CLRN1: variants seen among roughly 807,000 people sequenced by gnomAD.
The protein encoded by CLRN1 is clarin 1.
CLRN1 carries 15 observed loss-of-function variants against 18.7 expected under a neutral mutation model. The ratio of observed to expected loss-of-function variants is 0.80; its 90% CI spans 0.54 to 1.23. The LOEUF (loss-of-function observed/expected upper bound fraction) is 1.23. CLRN1 is among the 50% of genes most tolerant of loss of function. The pLI, the probability that CLRN1 is intolerant of heterozygous loss-of-function variation, is 0.00. For synonymous variants in CLRN1, 104 were observed against 102.9 expected, an observed-to-expected ratio of 1.01 and a Z score of -0.07; for missense variants, 311 against 277.5, an observed-to-expected ratio of 1.12 and a Z score of -0.86.
intron 2 of CLRN1, among the ~76,000 whole-genome samples, chr3:150,930,520 T>C (rs796583871): frequency 1.2e-4 from 18 of 152,292 alleles, no homozygotes; most frequent in African/African-American, 4.3e-4. Context: ...TAGCTGAGAA[T>C]ATTCCTTTGT....
intron 1 of CLRN1, among the ~76,000 whole-genome samples, chr3:150,946,063 C>A (rs1420338408): frequency 6.6e-6 from 1 of 151,832 alleles, no homozygotes; most frequent in Non-Finnish European, 1.5e-5. Context: ...TCAATGATTA[C>A]AAAGAATGAA....
intron 1 of CLRN1, chr3:150,942,555 A>G (rs770532810): frequency 1.3e-5 from 6 of 450,924 alleles, no homozygotes; most frequent in South Asian, 7.9e-5. Flanking sequence ...AGCACCTACT[A>G]TGTGCCAGGC....
intron 1 of CLRN1, among the ~76,000 whole-genome samples, chr3:150,957,483 C>T (rs540666496): frequency 3.2e-4 from 48 of 152,278 alleles, no homozygotes; most frequent in African/African-American, 1.1e-3. Context: ...GAACCATTTC[C>T]AGTGTCTCTC....
chr3:150,939,124 G>A (rs893383165), intron 2 of CLRN1, among the ~76,000 whole-genome samples: 2 of 152,164 alleles, frequency 1.3e-5, no homozygotes, highest in African/African-American at 4.8e-5. Context: ...GCCAGGTCAA[G>A]ACTCCCCAAA....
chr3:150,961,146 G>A (rs1715008049), intron 1 of CLRN1, among the ~76,000 whole-genome samples: 1 of 152,216 alleles, frequency 6.6e-6, no homozygotes, highest in Non-Finnish European at 1.5e-5. Flanking sequence ...CCAACTGTGT[G>A]GAAGAAATGC....
In CLRN1 at chr3:150,954,403, G is replaced by A. The variant is rs80230877; in HGVS notation, c.254-12642C>T. Among the ~76,000 whole-genome samples the A allele has an allele frequency of 7.1e-3, 1,076 of 152,170 alleles. 13 individuals carry two copies. The highest frequency in any genetic ancestry group is 0.024 in the African/African-American group (1,007 of 41,514). ...AATGATGTTGAGAATTTTTTTGTGG[G>A]CTTATTTGCCTTTCATAGGTCATTT... On this transcript the variant is annotated intron_variant, in intron 1 of 2. Transcript: ENST00000327047.
At chr3:150,953,877 G>A (rs908822303) in intron 1 of CLRN1, among the ~76,000 whole-genome samples, 4 of 152,108 alleles carry the variant, frequency 2.6e-5, no homozygotes, top group African/African-American at 9.7e-5. Context: ...TATGAGGAAG[G>A]TATTATTTTA....
At chr3:150,936,257 C>A (rs992102668) in intron 2 of CLRN1, among the ~76,000 whole-genome samples, 1 of 152,140 alleles carries the variant, frequency 6.6e-6, no homozygotes, top group African/African-American at 2.4e-5. Flanking sequence ...GTGATCTCAT[C>A]CAATTTTATT....
chr3:150,941,476 T>A, intron 2 of CLRN1, 106 bp downstream of exon 2: 6 of 1,114,214 alleles, frequency 5.4e-6, no homozygotes. Context: ...TACTACAGTG[T>A]GCATCCATGT....
At chr3:150,944,991 G>A (rs1448683805) in intron 1 of CLRN1, among the ~76,000 whole-genome samples, 1 of 152,168 alleles carries the variant, frequency 6.6e-6, no homozygotes, top group Non-Finnish European at 1.5e-5. Flanking sequence ...AGACTGGGGT[G>A]TTAAAGAGGA....
intron 2 of CLRN1, among the ~76,000 whole-genome samples, chr3:150,937,027 C>T (rs981055320): frequency 8.5e-5 from 13 of 152,202 alleles, no homozygotes; most frequent in African/African-American, 3.1e-4. Flanking sequence ...TGTTTATCAC[C>T]CTCATTGTAA....
intron 2 of CLRN1, among the ~76,000 whole-genome samples, chr3:150,928,866 G>A (rs184441200): frequency 6.6e-6 from 1 of 152,350 alleles, no homozygotes; most frequent in Admixed American, 6.5e-5. Context: ...TGGTTGGGAA[G>A]TATGGGCGGG....
intron 2 of CLRN1, among the ~76,000 whole-genome samples, chr3:150,931,755 T>A (rs1713160141): frequency 6.6e-6 from 1 of 152,178 alleles, no homozygotes; most frequent in Admixed American, 6.5e-5. Context: ...GTCCTACATG[T>A]CTCTCTCCTC....
intron 1 of CLRN1, among the ~76,000 whole-genome samples, chr3:150,950,300 A>G (rs1479378470): frequency 1.3e-5 from 2 of 152,250 alleles, no homozygotes; most frequent in Non-Finnish European, 2.9e-5. Context: ...ACAAAAGCAA[A>G]AATTGACAAA....
Position 150,926,745 on chromosome 3 carries a change from A to G in CLRN1, c.*1191T>C, listed in dbSNP as rs113817098. On this transcript the variant is annotated 3_prime_UTR_variant, in exon 3 of 3. Coordinates refer to ENST00000327047, the MANE Select transcript of CLRN1 (RefSeq NM_174878.3). The stretch of plus-strand genomic sequence containing the variant: ...ATATGAGGGCTGCTGAGTACTCAGC[A>G]CCTGTGGTCAGAGGCCTAGTGATCT... 1,136 of 1,582,786 alleles carry G rather than the reference A, an allele frequency of 7.2e-4. 11 individuals carry two copies. In the African/African-American group the frequency reaches 0.014, roughly 19 times the overall value.
rs59227042 is a variant in CLRN1 at position 150,941,138 on chromosome 3, G to GTCTATCTATCTATCTA, written c.433+428_433+443dup. Among the ~76,000 whole-genome samples the GTCTATCTATCTATCTA allele has an allele frequency of 2.7e-3, 384 of 141,522 alleles. 1 individual carries two copies. Among genetic ancestry groups the GTCTATCTATCTATCTA allele is most frequent in the African/African-American group, 6.9e-3 (266 of 38,552 alleles). 92.8% of individuals were successfully genotyped at this position (141,522 alleles called of 152,430 possible). On this transcript the variant is annotated intron_variant, in intron 2 of 2. Coordinates refer to ENST00000327047, the MANE Select transcript of CLRN1 (RefSeq NM_174878.3). ...TGGAGTCTGTATTGTCTGTCTGTCT[G>GTCTATCTATCTATCTA]TCTATCTATCTATCTATCTATCTAT...
chr3:150,967,423 C>G (rs1715316745), intron 1 of CLRN1, among the ~76,000 whole-genome samples: 2 of 151,916 alleles, frequency 1.3e-5, no homozygotes, highest in African/African-American at 4.8e-5. Context: ...AACAAAACCT[C>G]TATTTGCTGG....
chr3:150,935,201 A>T (rs1041732573), intron 2 of CLRN1, among the ~76,000 whole-genome samples: 28 of 151,746 alleles, frequency 1.8e-4, no homozygotes, highest in Non-Finnish European at 3.8e-4. Flanking sequence ...TGTGCAGGTT[A>T]GGTACATATG....
rs1329440649 is a variant in CLRN1, at chr3:150,972,455, C to T, written c.253+1G>A. 1 of 1,614,050 alleles carries T rather than the reference C, an allele frequency of 6.2e-7. No individual in the cohort carries two copies. The highest frequency in any genetic ancestry group is 1.7e-5 in the Admixed American group (1 of 59,996). On this transcript the variant is annotated splice_donor_variant, in intron 1 of 2. Coordinates refer to ENST00000327047, the MANE Select transcript of CLRN1 (RefSeq NM_174878.3). LOFTEE classifies it high-confidence loss of function. ...ATAACTCAAATGCAATTGCTACTTA[C>T]ATGAGAACCGAAAGGGCCTTGCTCC...
Sources: allele counts gnomAD v4.1 joint callset (sites outside exome capture counted in the v4.1 genomes callset), GRCh38; gene constraint gnomAD v4.1.1; transcripts MANE v1.5; gene names NCBI Gene and HGNC (gene_info 2026-07-23, HGNC 2026-07-21).